Variants in OR4K2 observed in about 807,000 individuals in gnomAD.
OR4K2 encodes olfactory receptor family 4 subfamily K member 2.
OR4K2 carries 8 observed loss-of-function variants against 10.5 expected under a neutral mutation model. That is an observed-to-expected ratio of 0.76 (90% CI 0.45 to 1.37). The LOEUF (loss-of-function observed/expected upper bound fraction) is 1.37. Among genes scored for constraint, OR4K2 ranks in the 40% most tolerant of loss-of-function variants. The pLI, the probability that OR4K2 is intolerant of heterozygous loss-of-function variation, is 0.00. For missense variants in OR4K2, 547 were observed against 379.5 expected, an observed-to-expected ratio of 1.44 and a Z score of -3.67; for synonymous variants, 178 against 133.6, an observed-to-expected ratio of 1.33 and a Z score of -2.29.
rs1487562369 is a variant in OR4K2, at chr14:19,882,741, T to G, written c.*5529T>G. ...CACACTCAAACTTGGCCTCACCAACTTTGTTTCCTTTTCTTGTAGCCTACA... is the reference window on the plus strand; with the variant it reads ...CACACTCAAACTTGGCCTCACCAACGTTGTTTCCTTTTCTTGTAGCCTACA... On this transcript the variant is annotated 3_prime_UTR_variant, in exon 2 of 2. Transcript: ENST00000641885. The G allele has an allele frequency of 6.6e-6, 1 of 152,360 alleles. No individual in the cohort carries two copies. Among genetic ancestry groups the G allele is most frequent in the East Asian group, 1.9e-4 (1 of 5,206 alleles). 9.4% of individuals were successfully genotyped at this position (152,360 alleles called of 1,614,324 possible).
Position 19,875,351 on chromosome 14 carries a change from C to T in OR4K2, c.-807C>T, listed in dbSNP as rs1396697832. 1 of 152,240 alleles carries T rather than the reference C, an allele frequency of 6.6e-6. No individual in the cohort carries two copies. The highest frequency in any genetic ancestry group is 2.4e-5 in the African/African-American group (1 of 41,460). The allele number at this position is 152,240 out of a possible 1,614,324, so 9.4% of individuals were successfully genotyped here. On this transcript the variant is annotated 5_prime_UTR_variant, in exon 1 of 2. Coordinates refer to ENST00000641885, the MANE Select transcript of OR4K2 (RefSeq NM_001005501.2). ...ATATTTTAAATGTTTGCCCTTCCCA[C>T]TCCCATTTCCTAATCCCTATTCCAT...
At position 19,877,316 on chromosome 14, in the gene OR4K2, A is replaced by G; in HGVS notation, c.*104A>G. The G allele has an allele frequency of 1.3e-6, 1 of 791,310 alleles. No homozygotes were observed. The highest frequency in any genetic ancestry group is 2.0e-6 in the Non-Finnish European group (1 of 508,054). The allele number at this position is 791,310 out of a possible 1,614,324, so 49.0% of individuals were successfully genotyped here. On this transcript the variant is annotated 3_prime_UTR_variant, in exon 2 of 2. Transcript: ENST00000641885. ...CAAGAATTTGTGAGGGCTCAAGTTC[A>G]GTGCATTTTGAAACTATTCTCATGA... is the stretch of plus-strand genomic sequence containing the variant.
At position 19,882,443 on chromosome 14, in the gene OR4K2, T is replaced by G. The variant is rs1327174906; in HGVS notation, c.*5231T>G. The G allele has an allele frequency of 1.3e-5, 2 of 152,228 alleles. No homozygotes were observed. Among genetic ancestry groups the G allele is most frequent in the African/African-American group, 2.4e-5 (1 of 41,448 alleles). The allele number at this position is 152,228 out of a possible 1,614,324, so 9.4% of individuals were successfully genotyped here. ...ATCAATCAATATCCATTACTTTAAT[T>G]TTTTTATTATAACCTTTTTATTGCA... On this transcript the variant is annotated 3_prime_UTR_variant, in exon 2 of 2. Coordinates refer to ENST00000641885, the MANE Select transcript of OR4K2 (RefSeq NM_001005501.2).
Position 19,881,309 on chromosome 14 carries a change from T to C in OR4K2, c.*4097T>C, listed in dbSNP as rs758110226. 2 of 152,258 alleles carry C rather than the reference T, an allele frequency of 1.3e-5. No individual in the cohort carries two copies. 9.4% of individuals were successfully genotyped at this position (152,258 alleles called of 1,614,324 possible). ...TTTGGTTTATAAGTTTCTGTTGTGC[T>C]TTGTTGTTTGGAATTATTTTTAATG... On this transcript the variant is annotated 3_prime_UTR_variant, in exon 2 of 2. Coordinates refer to ENST00000641885, the MANE Select transcript of OR4K2 (RefSeq NM_001005501.2).
chr14:19,882,439 T>C lies in OR4K2; in HGVS notation c.*5227T>C, dbSNP rs922072800. 4 of 152,244 alleles carry C rather than the reference T, an allele frequency of 2.6e-5. No homozygotes were observed. Among genetic ancestry groups the C allele is most frequent in the Non-Finnish European group, 5.9e-5 (4 of 68,046 alleles). 9.4% of individuals were successfully genotyped at this position (152,244 alleles called of 1,614,324 possible). ...GTCAATCAATCAATATCCATTACTTTAATTTTTTTATTATAACCTTTTTAT... is the reference window on the plus strand; with the variant it reads ...GTCAATCAATCAATATCCATTACTTCAATTTTTTTATTATAACCTTTTTAT... On this transcript the variant is annotated 3_prime_UTR_variant, in exon 2 of 2. Coordinates refer to ENST00000641885, the MANE Select transcript of OR4K2 (RefSeq NM_001005501.2).
At position 19,877,296 on chromosome 14, in the gene OR4K2, A is replaced by G; in HGVS notation, c.*84A>G. 1.1e-6 allele frequency: 1 copy of G among 943,466 alleles called. No individual in the cohort carries two copies. The highest frequency in any genetic ancestry group is 1.6e-6 in the Non-Finnish European group (1 of 638,194). The allele number at this position is 943,466 out of a possible 1,614,324, so 58.4% of individuals were successfully genotyped here. On this transcript the variant is annotated 3_prime_UTR_variant, in exon 2 of 2. Coordinates refer to ENST00000641885, the MANE Select transcript of OR4K2 (RefSeq NM_001005501.2). ...TCTTACCAAATTGTAATTGCCAAGAATTTGTGAGGGCTCAAGTTCAGTGCA... is the reference window on the plus strand; with the variant it reads ...TCTTACCAAATTGTAATTGCCAAGAGTTTGTGAGGGCTCAAGTTCAGTGCA...
Position 19,882,829 on chromosome 14 carries a change from C to CTTTTTTTT in OR4K2, c.*5626_*5633dup, listed in dbSNP as rs369726984. ...TTATCTTTCTTTTTCTTTTTTTTTT[C>CTTTTTTTT]TTTTTTTTTTTTTTTTGAGACGGAG... is the stretch of plus-strand genomic sequence containing the variant. On this transcript the variant is annotated 3_prime_UTR_variant, in exon 2 of 2. Coordinates refer to ENST00000641885, the MANE Select transcript of OR4K2 (RefSeq NM_001005501.2). 1.6e-5 allele frequency: 2 copies of CTTTTTTTT among 123,412 alleles called. No homozygotes were observed. Among genetic ancestry groups the CTTTTTTTT allele is most frequent in the African/African-American group, 6.2e-5 (2 of 32,174 alleles). The allele number at this position is 123,412 out of a possible 1,614,324, so 7.6% of individuals were successfully genotyped here.
rs748825062 is a variant in OR4K2 at position 19,877,006 on chromosome 14, GTCT to G, written c.744_746del (p.Phe248del). The G allele has an allele frequency of 1.5e-4, 242 of 1,613,742 alleles. 1 individual carries two copies. In the South Asian group the frequency reaches 2.1e-3, roughly 14 times the overall value. ...TACTTGTACAGCTCATTTCATTGTT[GTCT>G]TCTTGTTCTTTGGGCCATGCATCTT... On this transcript the variant is annotated inframe_deletion, in exon 2 of 2. Coordinates refer to ENST00000641885, the MANE Select transcript of OR4K2 (RefSeq NM_001005501.2).
In OR4K2 at chr14:19,877,268, G is replaced by A; in HGVS notation, c.*56G>A. On this transcript the variant is annotated 3_prime_UTR_variant, in exon 2 of 2. Transcript: ENST00000641885. Reference sequence around the variant, plus strand: ...CTGTGTTAGGCTTTTCTTTCTAGAGGGTTCTTACCAAATTGTAATTGCCAA... The same window carrying A: ...CTGTGTTAGGCTTTTCTTTCTAGAGAGTTCTTACCAAATTGTAATTGCCAA... 2 of 1,251,462 alleles carry A rather than the reference G, an allele frequency of 1.6e-6. No individual in the cohort carries two copies. Among genetic ancestry groups the A allele is most frequent in the East Asian group, 2.4e-5 (1 of 42,548 alleles). The allele number at this position is 1,251,462 out of a possible 1,614,324, so 77.5% of individuals were successfully genotyped here. A position where few individuals can be genotyped will look rare whatever the true frequency, so the allele number is the denominator to read the frequency against.
chr14:19,877,380 A>G lies in OR4K2; in HGVS notation c.*168A>G, dbSNP rs1016423816. On this transcript the variant is annotated 3_prime_UTR_variant, in exon 2 of 2. Coordinates refer to ENST00000641885, the MANE Select transcript of OR4K2 (RefSeq NM_001005501.2). ...CAAAATACATTTGAAATTTCAGAAA[A>G]GCAAGTTAAAAGAAATAAAGACTAT... The G allele has an allele frequency of 5.3e-6, 3 of 566,998 alleles. No individual in the cohort carries two copies. The highest frequency in any genetic ancestry group is 1.9e-5 in the African/African-American group (1 of 52,354). 35.1% of individuals were successfully genotyped at this position (566,998 alleles called of 1,614,324 possible).
rs1173628282 is a variant in OR4K2 at position 19,883,020 on chromosome 14, G to C, written c.*5808G>C. The C allele has an allele frequency of 2.0e-5, 3 of 152,178 alleles. No homozygotes were observed. The highest frequency in any genetic ancestry group is 7.3e-5 in the African/African-American group (3 of 41,302). The allele number at this position is 152,178 out of a possible 1,614,324, so 9.4% of individuals were successfully genotyped here. A position where few individuals can be genotyped will look rare whatever the true frequency, so the allele number is the denominator to read the frequency against. Reference sequence around the variant, plus strand: ...TTTTTTGTATTTTTAGTAGAGAAGGGGTTATAATTTATCTTTTGAAAAACC... The same window carrying C: ...TTTTTTGTATTTTTAGTAGAGAAGGCGTTATAATTTATCTTTTGAAAAACC... On this transcript the variant is annotated 3_prime_UTR_variant, in exon 2 of 2. Coordinates refer to ENST00000641885, the MANE Select transcript of OR4K2 (RefSeq NM_001005501.2).
At position 19,877,375 on chromosome 14, in the gene OR4K2, A is replaced by C. The variant is rs980350577; in HGVS notation, c.*163A>C. The C allele has an allele frequency of 7.7e-5, 44 of 573,488 alleles. 1 individual carries two copies. The Middle Eastern group carries it at 1.3e-3, about 17-fold the overall frequency. The allele number at this position is 573,488 out of a possible 1,614,324, so 35.5% of individuals were successfully genotyped here. ...GTGTTCAAAATACATTTGAAATTTC[A>C]GAAAAGCAAGTTAAAAGAAATAAAG... On this transcript the variant is annotated 3_prime_UTR_variant, in exon 2 of 2. Transcript: ENST00000641885.
Position 19,882,749 on chromosome 14 carries a change from C to T in OR4K2, c.*5537C>T, listed in dbSNP as rs1180540247. On this transcript the variant is annotated 3_prime_UTR_variant, in exon 2 of 2. Coordinates refer to ENST00000641885, the MANE Select transcript of OR4K2 (RefSeq NM_001005501.2). ...AACTTGGCCTCACCAACTTTGTTTC[C>T]TTTTCTTGTAGCCTACAAGTCTCAC... is the stretch of plus-strand genomic sequence containing the variant. 6.6e-6 allele frequency: 1 copy of T among 152,238 alleles called. No individual in the cohort carries two copies. The highest frequency in any genetic ancestry group is 1.5e-5 in the Non-Finnish European group (1 of 68,140). 9.4% of individuals were successfully genotyped at this position (152,238 alleles called of 1,614,324 possible). A position where few individuals can be genotyped will look rare whatever the true frequency, so the allele number is the denominator to read the frequency against.
At position 19,878,401 on chromosome 14, in the gene OR4K2, C is replaced by T. The variant is rs1410025476; in HGVS notation, c.*1189C>T. The T allele has an allele frequency of 6.6e-6, 1 of 152,020 alleles. No individual in the cohort carries two copies. Among genetic ancestry groups the T allele is most frequent in the Non-Finnish European group, 1.5e-5 (1 of 67,970 alleles). 9.4% of individuals were successfully genotyped at this position (152,020 alleles called of 1,614,324 possible). On this transcript the variant is annotated 3_prime_UTR_variant, in exon 2 of 2. Coordinates refer to ENST00000641885, the MANE Select transcript of OR4K2 (RefSeq NM_001005501.2). ...TCTTATATATGATCCAACATGTATC[C>T]ACAAAGGGAAAGATATGTTGCAACC...
rs1342780368 is a variant in OR4K2 at position 19,883,847 on chromosome 14, A to C, written c.*6635A>C. ...GCTCAATTGCTTTTTAAATAAAATA[A>C]ATTTGAATCCCTGTTTGTACCTGGA... On this transcript the variant is annotated 3_prime_UTR_variant, in exon 2 of 2. Transcript: ENST00000641885. The C allele has an allele frequency of 6.6e-6, 1 of 152,238 alleles. No individual in the cohort carries two copies. Among genetic ancestry groups the C allele is most frequent in the African/African-American group, 2.4e-5 (1 of 41,458 alleles). 9.4% of individuals were successfully genotyped at this position (152,238 alleles called of 1,614,324 possible).
rs1378426875 is a variant in OR4K2 at position 19,877,047 on chromosome 14, G to T, written c.780G>T (p.Trp260Cys). Residue 260 changes from tryptophan to cysteine, a missense_variant, in exon 2 of 2, where the codon TGG becomes TGT. Trp to Cys is a radical substitution (Grantham distance 215, BLOSUM62 -2). Coordinates refer to ENST00000641885, the MANE Select transcript of OR4K2 (RefSeq NM_001005501.2). ...FFGPCIFIYM[W>C]PLSSFLTDKI... The stretch of plus-strand genomic sequence containing the variant: ...GGCCATGCATCTTCATCTACATGTG[G>T]CCACTAAGCAGCTTTCTCACAGACA... 1.2e-6 allele frequency: 2 copies of T among 1,612,916 alleles called. No individual in the cohort carries two copies. The highest frequency in any genetic ancestry group is 1.7e-6 in the Non-Finnish European group (2 of 1,179,980).
rs977195047 is a variant in OR4K2, at chr14:19,883,582, G to A, written c.*6370G>A. The A allele has an allele frequency of 6.6e-6, 1 of 152,206 alleles. No homozygotes were observed. Among genetic ancestry groups the A allele is most frequent in the African/African-American group, 2.4e-5 (1 of 41,464 alleles). The allele number at this position is 152,206 out of a possible 1,614,324, so 9.4% of individuals were successfully genotyped here. A position where few individuals can be genotyped will look rare whatever the true frequency, so the allele number is the denominator to read the frequency against. On this transcript the variant is annotated 3_prime_UTR_variant, in exon 2 of 2. Transcript: ENST00000641885. Reference sequence around the variant, plus strand: ...GAACTGATCTTTTAATTTTTGGAGGGAGGTATTAATAATCCTTCTGATATT... The same window carrying A: ...GAACTGATCTTTTAATTTTTGGAGGAAGGTATTAATAATCCTTCTGATATT...
At position 19,876,829 on chromosome 14, in the gene OR4K2, G is replaced by C. The variant is rs759976430; in HGVS notation, c.562G>C (p.Ala188Pro). ...TGACCTTCCTGTGGTGTTCCAGTTG[G>C]CTTGTGTGGATACTTATGTTCTGGG... ...FCDLPVVFQL[A>P]CVDTYVLGLF... The change falls in exon 2 of 2, where the codon GCT becomes CCT. Residue 188 changes from alanine to proline, a missense_variant. Transcript: ENST00000641885. The C allele has an allele frequency of 1.9e-6, 3 of 1,614,176 alleles. No homozygotes were observed. The highest frequency in any genetic ancestry group is 1.1e-5 in the South Asian group (1 of 91,074).
In OR4K2 at chr14:19,877,141, CAAG is replaced by C. The variant is rs1265511330; in HGVS notation, c.878_880del (p.Glu293del). 1.9e-6 allele frequency: 3 copies of C among 1,604,178 alleles called. No homozygotes were observed. The Admixed American group carries it at 5.0e-5, about 27-fold the overall frequency. On this transcript the variant is annotated inframe_deletion, in exon 2 of 2. Transcript: ENST00000641885. ...CCCAATAATCTATACTTTGAGGAAT[CAAG>C]AAGTAAAGATAGCCATGAGGAAACT...
Sources: allele counts gnomAD v4.1 joint callset, GRCh38; gene constraint gnomAD v4.1.1; transcripts MANE v1.5; gene names NCBI Gene and HGNC (gene_info 2026-07-23, HGNC 2026-07-21).